The following CD22 variants were observed in gnomAD, a reference collection of about 807,000 sequenced individuals.
The protein encoded by CD22 is CD22 molecule, also known as B-cell receptor CD22.
In CD22, 51 loss-of-function variants were observed where a neutral mutation model predicts 94.7. The observed-to-expected ratio is 0.54, with a 90% confidence interval of 0.43 to 0.68. The LOEUF (loss-of-function observed/expected upper bound fraction) is 0.68, where lower values mean the gene tolerates loss of function less well. CD22 is among the 30% of genes least tolerant of loss of function. The probability of loss-of-function intolerance (pLI) is 0.00; values close to 1 mark genes in which losing one functional copy is unlikely to be tolerated. For synonymous variants in CD22, 424 were observed against 422.5 expected (o/e 1.00, Z -0.04); for missense variants, 931 against 1,060.4 (o/e 0.88, Z 1.69).
chr19:35,332,237 TA>T, intron 2 of CD22, 163 bp downstream of exon 2: 1 of 713,734 alleles, frequency 1.4e-6, no homozygotes, highest in Non-Finnish European at 2.4e-6. Flanking sequence ...CATATATACA[TA>T]CACTTCTCTC....
Position 35,346,618 on chromosome 19 carries a change from A to G in CD22, c.2465A>G (p.Tyr822Cys). ...TTTCCAGAAGATGAGGGGATTCATT[A>G]CTCAGAGCTGATCCAGTTTGGGGTC... ...PDFPEDEGIH[Y>C]SELIQFGVGE... The change falls in exon 14 of 14, where the codon TAC (tyrosine) becomes TGC (cysteine). Residue 822 changes from tyrosine to cysteine, a missense_variant. Tyr to Cys is a radical substitution (Grantham distance 194). Transcript: ENST00000085219. The G allele has an allele frequency of 6.2e-7, 1 of 1,606,822 alleles. No homozygotes were observed. The highest frequency in any genetic ancestry group is 8.5e-7 in the Non-Finnish European group (1 of 1,176,292).
chr19:35,329,912 A>G (rs1159795434), intron 1 of CD22: 2 of 153,294 alleles, frequency 1.3e-5, no homozygotes, highest in African/African-American at 4.8e-5. Context: ...GAACATGTAA[A>G]ATAGATCCCA....
At position 35,346,685 on chromosome 19, in the gene CD22, C is replaced by A. The variant is rs143710048; in HGVS notation, c.2532C>A (p.Ile844=). 1.5e-5 allele frequency: 24 copies of A among 1,608,914 alleles called. No homozygotes were observed. The African/African-American group carries it at 3.2e-4, about 21-fold the overall frequency. ...PQAQENVDYV[I]LKH is the part of the protein sequence containing the mutation. ...CACAAGAAAATGTGGACTATGTGAT[C>A]CTCAAACATTGACACTGGATGGGCT... The change falls in exon 14 of 14, where the codon ATC becomes ATA. Residue 844 remains isoleucine (I), a synonymous_variant. Transcript: ENST00000085219.
chr19:35,338,515 G>A lies in CD22; in HGVS notation c.1249+84G>A, dbSNP rs185475553. ...AGGCAGATGGGGTGCAGGGCATTCC[G>A]GGGTCCTGGAGTCAAGAGCAAGGAG... On this transcript the variant is annotated intron_variant, in intron 6 of 13. Coordinates refer to ENST00000085219, the MANE Select transcript of CD22 (RefSeq NM_001771.4). 4.4e-5 allele frequency: 64 copies of A among 1,444,194 alleles called. No homozygotes were observed. In the African/African-American group the frequency reaches 5.8e-4, roughly 13 times the overall value. 89.5% of individuals were successfully genotyped at this position (1,444,194 alleles called of 1,614,324 possible).
At chr19:35,342,375 A>C (rs1211687273) in intron 9 of CD22, among the ~76,000 whole-genome samples, 2 of 151,862 alleles carry the variant, frequency 1.3e-5, no homozygotes, top group Non-Finnish European at 2.9e-5. Flanking sequence ...TACTATGTTG[A>C]CCAGGCTGGT....
intron 1 of CD22, among the ~76,000 whole-genome samples, chr19:35,331,290 G>A (rs1433397864): frequency 2.0e-5 from 3 of 152,192 alleles, no homozygotes; most frequent in East Asian, 1.9e-4. Context: ...TTTTGACCAT[G>A]TCTGTCCCTG....
intron 9 of CD22, 120 bp from the exon 10 acceptor site, chr19:35,344,709 C>T (rs532381231): frequency 4.2e-5 from 30 of 720,174 alleles, no homozygotes; most frequent in South Asian, 2.4e-4. Context: ...CACCCCTGCA[C>T]GCATGCAGGG....
chr19:35,332,383 G>C, intron 2 of CD22, 164 bp from the exon 3 acceptor site: 1 of 741,642 alleles, frequency 1.3e-6, no homozygotes, highest in Non-Finnish European at 2.1e-6. Flanking sequence ...AGGCTGAGGT[G>C]GGAGGATCAC....
Position 35,332,061 on chromosome 19 carries a change from G to A in CD22, c.21G>A (p.Trp7Ter). The A allele has an allele frequency of 1.2e-6, 2 of 1,613,976 alleles. No homozygotes were observed. Among genetic ancestry groups the A allele is most frequent in the Non-Finnish European group, 1.7e-6 (2 of 1,179,928 alleles). MHLLGP[W>*]LLLLVLEYLA... Reference sequence around the variant, plus strand: ...ACACCATGCATCTCCTCGGCCCCTGGCTCCTGCTCCTGGGTAAGGACTGTG... The same window carrying A: ...ACACCATGCATCTCCTCGGCCCCTGACTCCTGCTCCTGGGTAAGGACTGTG... The change falls in exon 2 of 14, where the codon TGG (tryptophan) becomes TGA (stop). Residue 7 changes from tryptophan (W) to a stop codon, truncating the protein, a stop_gained. Transcript: ENST00000085219. LOFTEE classifies it high-confidence loss of function.
Position 35,332,072 on chromosome 19 carries a change from T to C in CD22, c.32T>C (p.Leu11Pro), listed in dbSNP as rs766845907. Residue 11 changes from leucine to proline, a missense_variant and splice_region_variant, in exon 2 of 14, where the codon CTG becomes CCG. Physicochemically the swap from Leu to Pro is moderately conservative, Grantham distance 98. Transcript: ENST00000085219. ...CTCCTCGGCCCCTGGCTCCTGCTCC[T>C]GGGTAAGGACTGTGGCCTGGGCTAG... Reference protein sequence around the residue: MHLLGPWLLLLVLEYLAFSDS... With the variant: MHLLGPWLLLPVLEYLAFSDS... 4.0e-5 allele frequency: 64 copies of C among 1,613,796 alleles called. No individual in the cohort carries two copies. In the South Asian group the frequency reaches 6.8e-4, roughly 17 times the overall value.
At chr19:35,346,427 C>A in intron 13 of CD22, 139 bp from the exon 14 acceptor site, 2 of 1,260,496 alleles carry the variant, frequency 1.6e-6, no homozygotes, top group East Asian at 2.5e-5. Context: ...TGGATGCCGG[C>A]CACAGCCAGT....
At chr19:35,332,952 G>A (rs2066666067) in intron 3 of CD22, 28 bp downstream of exon 3, 4 of 1,605,044 alleles carry the variant, frequency 2.5e-6, no homozygotes, top group Non-Finnish European at 3.4e-6. Flanking sequence ...CGGGTCCTCT[G>A]CTCTGGGCAG....
chr19:35,345,232 A>ACAGGGTTTCAC, intron 11 of CD22, 106 bp downstream of exon 11: 2 of 899,738 alleles, frequency 2.2e-6, no homozygotes, highest in Non-Finnish European at 3.7e-6. Flanking sequence ...AGCGTAGCCA[A>ACAGGGTTTCAC]CATGGTGAAA....
At chr19:35,333,059 T>C in intron 3 of CD22, 135 bp downstream of exon 3, 1 of 879,096 alleles carries the variant, frequency 1.1e-6, no homozygotes, top group East Asian at 2.6e-5. Flanking sequence ...CGGATGACGA[T>C]GGCGATGCAG....
chr19:35,333,234 C>A, intron 3 of CD22: 1 of 377,132 alleles, frequency 2.7e-6, no homozygotes, highest in African/African-American at 2.0e-5. Flanking sequence ...GGCCTTAGTA[C>A]TGGAACCATC....
intron 1 of CD22, 199 bp from the exon 2 acceptor site, chr19:35,331,820 C>T (rs1166605414): frequency 9.1e-6 from 10 of 1,104,612 alleles, no homozygotes; most frequent in Non-Finnish European, 1.1e-5. Context: ...GCACTCTAGC[C>T]TGGGAGACAG....
chr19:35,341,352 G>A lies in CD22; in HGVS notation c.1517G>A (p.Arg506Gln), dbSNP rs757857965. 85 of 1,613,342 alleles carry A rather than the reference G, an allele frequency of 5.3e-5. No homozygotes were observed. The highest frequency in any genetic ancestry group is 6.4e-5 in the Non-Finnish European group (75 of 1,179,654). Reference protein sequence around the residue: ...PVALNVQYAPRDVRVRKIKPL... With the variant: ...PVALNVQYAPQDVRVRKIKPL... ...GACCCTTGCCCTCCAGATGCCCCCC[G>A]AGACGTGAGGGTCCGGAAAATCAAG... The change falls in exon 8 of 14, where the codon CGA becomes CAA. Residue 506 changes from arginine (R) to glutamine (Q), a missense_variant. Coordinates refer to ENST00000085219, the MANE Select transcript of CD22 (RefSeq NM_001771.4). The surrounding 1 kb of genome is among the most constrained non-coding windows in gnomAD (Gnocchi z 4.0).
rs1455842085 is a variant in CD22, at chr19:35,338,394, T to C, written c.1212T>C (p.Thr404=). ...GTGTGGCAGAAAACATTCTTGGTAC[T>C]GGACAGAGGGGCCCGGGAGCTGAGC... is the stretch of plus-strand genomic sequence containing the variant. The part of the protein sequence containing the change: ...YSCVAENILG[T]GQRGPGAELD... The change falls in exon 6 of 14, where the codon ACT becomes ACC. Residue 404 remains threonine, a synonymous_variant. Coordinates refer to ENST00000085219, the MANE Select transcript of CD22 (RefSeq NM_001771.4). 6.2e-7 allele frequency: 1 copy of C among 1,614,056 alleles called. No individual in the cohort carries two copies. The highest frequency in any genetic ancestry group is 1.7e-5 in the Admixed American group (1 of 60,024).
rs1387639649 is a variant in CD22, at chr19:35,336,299, G to A, written c.676G>A (p.Gly226Arg). The stretch of plus-strand genomic sequence containing the variant: ...GACCTGCCAGCTTCAGGATGCAGAT[G>A]GGAAGTTCCTCTCCAATGACACGGT... ...IVTCQLQDAD[G>R]KFLSNDTVQL... Residue 226 changes from glycine to arginine, a missense_variant, in exon 4 of 14, where the codon GGG becomes AGG. By Grantham distance (125) the Gly-to-Arg change is moderately radical (BLOSUM62 -2). Transcript: ENST00000085219. 1 of 1,614,208 alleles carries A rather than the reference G, an allele frequency of 6.2e-7. No homozygotes were observed. The highest frequency in any genetic ancestry group is 8.5e-7 in the Non-Finnish European group (1 of 1,180,038).
Sources: gnomAD v4.1 joint callset for allele counts (sites outside exome capture counted in the v4.1 genomes callset) on GRCh38, gnomAD v4.1.1 for gene constraint, Gnocchi (gnomAD v3.1) non-coding constraint, MANE v1.5 for transcripts, NCBI Gene and HGNC (gene_info 2026-07-23, HGNC 2026-07-21) for gene names.